MPND: variants seen among roughly 807,000 people sequenced by gnomAD.
The protein encoded by MPND is MPN domain containing, also known as MPN domain-containing protein.
MPND carries 56 observed loss-of-function variants against 59.2 expected under a neutral mutation model. The observed-to-expected ratio is 0.95, with a 90% CI of 0.76 to 1.18. MPND has a LOEUF of 1.18. Ranked by LOEUF, MPND falls within the 50% of genes most tolerant of loss-of-function variation. The probability of loss-of-function intolerance (pLI) is 0.00; values close to 1 mark genes in which losing one functional copy is unlikely to be tolerated. For synonymous variants in MPND, 323 were observed against 291.9 expected (o/e 1.11, Z -1.09); for missense variants, 671 against 676.0 (o/e 0.99, Z 0.08).
chr19:4,349,791 G>A (rs775834674), intron 3 of MPND, among the ~76,000 whole-genome samples: 3 of 152,350 alleles, frequency 2.0e-5, no homozygotes, highest in East Asian at 1.9e-4. Flanking sequence ...GATTGCAGGC[G>A]TGAGCCAGCC....
intron 2 of MPND, 63 bp from the exon 3 acceptor site, chr19:4,345,682 C>T (rs140872790): frequency 2.8e-5 from 42 of 1,511,776 alleles, no homozygotes; most frequent in Non-Finnish European, 3.7e-5. Context: ...TGGGGAGGAC[C>T]CCCCGGGAGA....
At chr19:4,346,022 T>A (rs1476893095) in intron 3 of MPND, 41 bp downstream of exon 3, 1 of 1,557,056 alleles carries the variant, frequency 6.4e-7, no homozygotes, top group Non-Finnish European at 8.8e-7. Flanking sequence ...CCCAGGTCAC[T>A]GTGGAATGAG....
At chr19:4,359,396 C>T in intron 12 of MPND, 141 bp downstream of exon 12, 1 of 621,784 alleles carries the variant, frequency 1.6e-6, no homozygotes, top group South Asian at 1.9e-5. Context: ...CCTGGTCACC[C>T]CGTGGCCACC....
chr19:4,357,476 A>T, intron 9 of MPND, 39 bp from the exon 10 acceptor site: 1 of 1,610,430 alleles, frequency 6.2e-7, no homozygotes. Flanking sequence ...GGGCCAGCCG[A>T]GCCTCCCAGG....
Position 4,359,219 on chromosome 19 carries a change from C to T in MPND, c.1383C>T (p.Pro461=), listed in dbSNP as rs1209976979. Reference sequence around the variant, plus strand: ...CTGACCTCGTGAGGCTCCAGGAACCCTGGAGCCAGGAGCACACCTACCTCG... The same window carrying T: ...CTGACCTCGTGAGGCTCCAGGAACCTTGGAGCCAGGAGCACACCTACCTCG... ...GSPDLVRLQE[P]WSQEHTYLDK... Residue 461 remains proline (P), a synonymous_variant, in exon 12 of 13, where the codon CCC becomes CCT. Transcript: ENST00000599840. 6 of 1,613,150 alleles carry T rather than the reference C, an allele frequency of 3.7e-6. No homozygotes were observed. Among genetic ancestry groups the T allele is most frequent in the Non-Finnish European group, 4.2e-6 (5 of 1,179,786 alleles).
intron 8 of MPND, among the ~76,000 whole-genome samples, chr19:4,356,008 C>T (rs1254022118): frequency 6.6e-6 from 1 of 151,878 alleles, no homozygotes; most frequent in Non-Finnish European, 1.5e-5. Context: ...TGTGCGCCAC[C>T]ATCTCCAGCT....
intron 3 of MPND, among the ~76,000 whole-genome samples, chr19:4,346,696 C>T (rs750951776): frequency 1.3e-5 from 2 of 150,870 alleles, no homozygotes; most frequent in African/African-American, 2.4e-5. Context: ...GGATTGCGGG[C>T]GTGAGCTACT....
chr19:4,351,499 C>T (rs1157192934), intron 3 of MPND, among the ~76,000 whole-genome samples: 2 of 152,150 alleles, frequency 1.3e-5, no homozygotes, highest in East Asian at 1.9e-4. Flanking sequence ...ATGCTTTGTG[C>T]GTATGATTTC....
chr19:4,355,432 T>A (rs1972416790), intron 8 of MPND, among the ~76,000 whole-genome samples: 1 of 149,746 alleles, frequency 6.7e-6, no homozygotes, highest in South Asian at 2.1e-4. Flanking sequence ...GCCTCCCGGG[T>A]TCACGCCATT....
intron 8 of MPND, among the ~76,000 whole-genome samples, chr19:4,355,870 T>C (rs969411553): frequency 2.8e-5 from 3 of 107,360 alleles, no homozygotes; most frequent in Non-Finnish European, 3.8e-5. Flanking sequence ...TTTTTTTTTT[T>C]TCTTGAGACA....
At chr19:4,349,808 CCTGGT>C (rs1302287793) in intron 3 of MPND, among the ~76,000 whole-genome samples, 1 of 152,168 alleles carries the variant, frequency 6.6e-6, no homozygotes, top group East Asian at 1.9e-4. Context: ...AGCCATGGAG[CCTGGT>C]CAAGAGCAAT....
intron 2 of MPND, 62 bp from the exon 3 acceptor site, chr19:4,345,683 C>T (rs765710146): frequency 3.4e-4 from 519 of 1,522,784 alleles, no homozygotes; most frequent in Non-Finnish European, 4.4e-4. Flanking sequence ...GGGGAGGACC[C>T]CCCGGGAGAG....
intron 8 of MPND, 183 bp from the exon 9 acceptor site, chr19:4,357,070 C>A (rs1972453061): frequency 2.0e-6 from 1 of 489,004 alleles, no homozygotes; most frequent in Admixed American, 4.1e-5. Flanking sequence ...TAAAAGAGGT[C>A]CTTGTTGGCT....
rs1003097285 is a variant in MPND at position 4,343,578 on chromosome 19, G to A, written c.-16G>A. On this transcript the variant is annotated 5_prime_UTR_variant, in exon 1 of 13. Coordinates refer to ENST00000599840, the MANE Select transcript of MPND (RefSeq NM_001300862.2). Reference sequence around the variant, plus strand: ...GAAGCCGGAGTCTAGAGCTCCGGGCGCGGGGAGGCGCGGCCATGGCAGGTA... The same window carrying A: ...GAAGCCGGAGTCTAGAGCTCCGGGCACGGGGAGGCGCGGCCATGGCAGGTA... 175 of 1,221,384 alleles carry A rather than the reference G, an allele frequency of 1.4e-4. 1 individual carries two copies. Among genetic ancestry groups the A allele is most frequent in the African/African-American group, 1.7e-4 (11 of 63,826 alleles). 75.7% of individuals were successfully genotyped at this position (1,221,384 alleles called of 1,614,324 possible).
At chr19:4,355,296 TG>T (rs1816047128) in intron 8 of MPND, 123 bp downstream of exon 8, 4 of 942,204 alleles carry the variant, frequency 4.2e-6, no homozygotes, top group Non-Finnish European at 6.6e-6. Flanking sequence ...CATGCCCGTC[TG>T]TGTGCTTGGG....
Position 4,353,030 on chromosome 19 carries a change from G to A in MPND, c.664+1G>A. ...AGCCCTTCAGAGCCTGCCCACCCGG[G>A]TGAGAGGCGTGGGGAGGGGAGGCAG... On this transcript the variant is annotated splice_donor_variant, in intron 4 of 12. Transcript: ENST00000599840. LOFTEE classifies it high-confidence loss of function. 7.5e-7 allele frequency: 1 copy of A among 1,335,730 alleles called. No individual in the cohort carries two copies. Among genetic ancestry groups the A allele is most frequent in the Non-Finnish European group, 9.7e-7 (1 of 1,032,674 alleles). The allele number at this position is 1,335,730 out of a possible 1,614,324, so 82.7% of individuals were successfully genotyped here. A position where few individuals can be genotyped will look rare whatever the true frequency, so the allele number is the denominator to read the frequency against.
intron 8 of MPND, 84 bp downstream of exon 8, chr19:4,355,257 T>C: frequency 1.4e-6 from 2 of 1,429,394 alleles, no homozygotes; most frequent in South Asian, 1.2e-5. Flanking sequence ...TGGCTGGCAG[T>C]GTCATCACCC....
At chr19:4,345,625 G>A in intron 2 of MPND, 120 bp from the exon 3 acceptor site, 1 of 884,870 alleles carries the variant, frequency 1.1e-6, no homozygotes, top group Non-Finnish European at 1.8e-6. Context: ...CGGCCTGAGA[G>A]GTGTTCCTGG....
intron 3 of MPND, among the ~76,000 whole-genome samples, chr19:4,349,947 A>C (rs1297265964): frequency 1.3e-5 from 2 of 152,248 alleles, no homozygotes; most frequent in Non-Finnish European, 2.9e-5. Context: ...ATGACACAGG[A>C]AACCATTCTT....
Sources: gnomAD v4.1 joint callset for allele counts (sites outside exome capture counted in the v4.1 genomes callset) on GRCh38, gnomAD v4.1.1 for gene constraint, MANE v1.5 for transcripts, NCBI Gene and HGNC (gene_info 2026-07-23, HGNC 2026-07-21) for gene names.